KLHL5: variants seen among roughly 807,000 people sequenced by gnomAD.
The protein encoded by KLHL5 is kelch-like protein 5.
In KLHL5, 48 loss-of-function variants were observed where a neutral mutation model predicts 77.7. The ratio of observed to expected loss-of-function variants is 0.62; its 90% CI spans 0.49 to 0.79. The LOEUF (loss-of-function observed/expected upper bound fraction) is 0.79. Among genes scored for constraint, KLHL5 ranks in the 30% least tolerant of loss-of-function variants. KLHL5 has a pLI of 0.00. For synonymous variants in KLHL5, 260 were observed against 297.0 expected, an observed-to-expected ratio of 0.88 and a Z score of 1.28; for missense variants, 723 against 859.7, an observed-to-expected ratio of 0.84 and a Z score of 1.99.
intron 1 of KLHL5, chr4:39,063,612 T>C: frequency 2.3e-6 from 1 of 442,806 alleles, no homozygotes; most frequent in South Asian, 1.6e-5. Context: ...AACATGTCTC[T>C]AAGATGACAG....
At chr4:39,066,898 C>G (rs1717938360) in intron 1 of KLHL5, among the ~76,000 whole-genome samples, 1 of 152,138 alleles carries the variant, frequency 6.6e-6, no homozygotes, top group South Asian at 2.1e-4. Flanking sequence ...AAAATAGCTG[C>G]ATTTTTTAAA....
intron 1 of KLHL5, among the ~76,000 whole-genome samples, chr4:39,050,034 C>T (rs1354620127): frequency 2.0e-5 from 3 of 152,098 alleles, no homozygotes; most frequent in Admixed American, 2.0e-4. Flanking sequence ...GACATCACGC[C>T]ACTGCACTTC....
At chr4:39,129,603 A>C (rs1176627183), downstream of KLHL5, among the ~76,000 whole-genome samples, 1 of 152,096 alleles carries the variant, frequency 6.6e-6, no homozygotes, top group Non-Finnish European at 1.5e-5. The surrounding 1 kb of genome is among the most constrained non-coding windows in gnomAD (Gnocchi z 4.2). Context: ...TGATCCTGTC[A>C]CTTCGGTGGT....
chr4:39,069,469 TATATAC>T lies in KLHL5; in HGVS notation c.383+6436_383+6441del, dbSNP rs1249778889. Among the ~76,000 whole-genome samples, 586 of 66,018 alleles carry T rather than the reference TATATAC, an allele frequency of 8.9e-3. 1 individual carries two copies. Among genetic ancestry groups the T allele is most frequent in the South Asian group, 0.015 (19 of 1,298 alleles). 43.3% of individuals were successfully genotyped at this position (66,018 alleles called of 152,430 possible). A position where few individuals can be genotyped will look rare whatever the true frequency, so the allele number is the denominator to read the frequency against. Reference sequence around the variant, plus strand: ...ATATATATATATATATATATATATATATATACACACACACACACACACACACACACA... The same window carrying T: ...ATATATATATATATATATATATATATACACACACACACACACACACACACA... On this transcript the variant is annotated intron_variant, in intron 1 of 10. Transcript: ENST00000504108.
intron 1 of KLHL5, among the ~76,000 whole-genome samples, chr4:39,052,879 T>C (rs963259910): frequency 1.3e-5 from 2 of 152,218 alleles, no homozygotes; most frequent in Non-Finnish European, 2.9e-5. Flanking sequence ...GGAGGACTAC[T>C]CTGAAGTGCC....
chr4:39,126,842 C>T (rs1386710822), downstream of KLHL5: 1 of 415,456 alleles, frequency 2.4e-6, no homozygotes, highest in East Asian at 7.1e-5. Context: ...GCTTCTTTAC[C>T]AAAAATGTAT....
At chr4:39,127,386 G>A (rs185792042), downstream of KLHL5, among the ~76,000 whole-genome samples, 1 of 152,060 alleles carries the variant, frequency 6.6e-6, no homozygotes, top group African/African-American at 2.4e-5. Context: ...GTTCACCTTC[G>A]GGGGAAGAAA....
intron 9 of KLHL5, among the ~76,000 whole-genome samples, chr4:39,113,920 T>C (rs1722644147): frequency 1.3e-5 from 2 of 152,094 alleles, no homozygotes; most frequent in Non-Finnish European, 2.9e-5. Context: ...GTTAAGGGTT[T>C]TGGACTATAA....
At chr4:39,077,062 C>T (rs1330899971) in intron 2 of KLHL5, among the ~76,000 whole-genome samples, 1 of 149,620 alleles carries the variant, frequency 6.7e-6, no homozygotes, top group Admixed American at 6.6e-5. Flanking sequence ...TACCAAAAAA[C>T]TCAAATAAAT....
chr4:39,101,935 CATATATACACACAT>C (rs900650817), intron 6 of KLHL5, among the ~76,000 whole-genome samples: 2 of 128,138 alleles, frequency 1.6e-5, no homozygotes, highest in Non-Finnish European at 3.2e-5. Flanking sequence ...TATATACACA[CATATATACACACAT>C]ATATATACAC....
At chr4:39,107,513 G>C in intron 7 of KLHL5, 56 bp from the exon 8 acceptor site, 1 of 1,401,654 alleles carries the variant, frequency 7.1e-7, no homozygotes, top group East Asian at 2.4e-5. Context: ...ATTAAAATGT[G>C]ATTTTTAAGA....
At chr4:39,120,509 G>A (rs548427726) in intron 10 of KLHL5, among the ~76,000 whole-genome samples, 3 of 152,282 alleles carry the variant, frequency 2.0e-5, no homozygotes, top group Middle Eastern at 3.4e-3. Context: ...AGCCATGCAC[G>A]TAGAAGGTAG....
chr4:39,052,826 G>C lies in KLHL5; in HGVS notation c.-95+7730G>C, dbSNP rs191384226. Among the ~76,000 whole-genome samples, 47 of 152,244 alleles carry C rather than the reference G, an allele frequency of 3.1e-4. No homozygotes were observed. The East Asian group carries it at 8.9e-3, about 29-fold the overall frequency. ...TCTTTGGAGAGGCCTGAATCAGTTT[G>C]TCCTAAATTTATTTGTCATCTCCTT... On this transcript the variant is annotated intron_variant, in intron 1 of 11. Coordinates refer to the KLHL5 transcript ENST00000261425.
At chr4:39,133,985 A>C in the KLHL5 span, 1 of 152,190 alleles carries the variant, frequency 6.6e-6, no homozygotes, top group Non-Finnish European at 1.5e-5. Flanking sequence ...GGCCTCCGAG[A>C]GGATGAGAAT....
upstream of KLHL5, among the ~76,000 whole-genome samples, chr4:39,059,223 C>T (rs1365606634): frequency 6.6e-6 from 1 of 151,736 alleles, no homozygotes; most frequent in Non-Finnish European, 1.5e-5. Flanking sequence ...AATGTTTAAG[C>T]TTACTTCATA....
rs1723320333 is a variant in KLHL5, at chr4:39,123,104, A to G, written c.*2038A>G. Among the ~76,000 whole-genome samples, 1 of 152,210 alleles carries G rather than the reference A, an allele frequency of 6.6e-6. No homozygotes were observed. The highest frequency in any genetic ancestry group is 6.5e-5 in the Admixed American group (1 of 15,280). On this transcript the variant is annotated 3_prime_UTR_variant, in exon 11 of 11. Transcript: ENST00000504108. ...TATAAACAAATTTATTCATAGAAGC[A>G]TTGTTGCCAACAATTTAGATGACCT...
At chr4:39,049,912 A>G (rs1185739687) in intron 1 of KLHL5, among the ~76,000 whole-genome samples, 1 of 151,764 alleles carries the variant, frequency 6.6e-6, no homozygotes, top group Non-Finnish European at 1.5e-5. Flanking sequence ...TCTCTACTAA[A>G]ATTACAAAAA....
chr4:39,052,003 T>C (rs983267974), intron 1 of KLHL5, among the ~76,000 whole-genome samples: 1 of 152,256 alleles, frequency 6.6e-6, no homozygotes, highest in Admixed American at 6.5e-5. Flanking sequence ...AAGAGTTAAC[T>C]GAAGCTTAAC....
chr4:39,070,196 C>A (rs1452011465), intron 1 of KLHL5, among the ~76,000 whole-genome samples: 1 of 152,090 alleles, frequency 6.6e-6, no homozygotes, highest in Non-Finnish European at 1.5e-5. Flanking sequence ...ATTGGCCAGG[C>A]CTCATTGGCT....
Sources: allele counts gnomAD v4.1 joint callset (sites outside exome capture counted in the v4.1 genomes callset), GRCh38; gene constraint gnomAD v4.1.1; non-coding constraint Gnocchi (gnomAD v3.1); transcripts MANE v1.5; gene names NCBI Gene and HGNC (gene_info 2026-07-23, HGNC 2026-07-21).